SP8: variants seen among roughly 807,000 people sequenced by gnomAD.
SP8 encodes transcription factor Sp8.
A neutral mutation model predicts 15.3 loss-of-function variants in SP8; 7 were observed. The observed-to-expected ratio is 0.46, with a 90% CI of 0.26 to 0.86. The LOEUF is 0.86. Among genes scored for constraint, SP8 ranks in the 40% least tolerant of loss-of-function variants. The probability of loss-of-function intolerance (pLI) is 0.16; values close to 1 mark genes in which losing one functional copy is unlikely to be tolerated. For synonymous variants in SP8, 415 were observed against 356.3 expected (o/e 1.16, Z -1.86); for missense variants, 731 against 736.4 (o/e 0.99, Z 0.09).
In SP8 at chr7:20,784,082, C is replaced by T; in HGVS notation, c.*208G>A. 2.0e-6 allele frequency: 1 copy of T among 494,222 alleles called. No homozygotes were observed. Among genetic ancestry groups the T allele is most frequent in the Non-Finnish European group, 3.3e-6 (1 of 301,128 alleles). The allele number at this position is 494,222 out of a possible 1,614,324, so 30.6% of individuals were successfully genotyped here. ...ACCCGTGGAAAGGGAAAGCCAGGGC[C>T]CGGGACAGCGATGCGTGTTACTTAC... is the stretch of plus-strand genomic sequence containing the variant. On this transcript the variant is annotated 3_prime_UTR_variant, in exon 2 of 2. Coordinates refer to ENST00000418710, the MANE Select transcript of SP8 (RefSeq NM_182700.6).
In SP8 at chr7:20,785,207, C is replaced by G. The variant is rs1783626478; in HGVS notation, c.610G>C (p.Glu204Gln). The G allele has an allele frequency of 6.2e-7, 1 of 1,600,474 alleles. No individual in the cohort carries two copies. Among genetic ancestry groups the G allele is most frequent in the Non-Finnish European group, 8.5e-7 (1 of 1,175,142 alleles). Reference sequence around the variant, plus strand: ...GGGTGCGAGGGCTTAAACCACGACTCGTACGGGTGCGCCATGCCCACCCGC... The same window carrying G: ...GGGTGCGAGGGCTTAAACCACGACTGGTACGGGTGCGCCATGCCCACCCGC... ...YPRVGMAHPY[E>Q]SWFKPSHPGL... Residue 204 changes from glutamate (E) to glutamine (Q), a missense_variant, in exon 2 of 2, where the codon GAG becomes CAG. By Grantham distance (29) the Glu-to-Gln change is conservative. Transcript: ENST00000418710. This position sits in a 1 kb window ranked among gnomAD's most constrained non-coding sequence, Gnocchi z 7.2.
rs1001677623 is a variant in SP8 at position 20,782,712 on chromosome 7, C to G, written c.*1578G>C. 1.3e-5 allele frequency: 2 copies of G among 152,568 alleles called. No homozygotes were observed. Among genetic ancestry groups the G allele is most frequent in the South Asian group, 4.1e-4 (2 of 4,830 alleles). 9.5% of individuals were successfully genotyped at this position (152,568 alleles called of 1,614,324 possible). The stretch of plus-strand genomic sequence containing the variant: ...ATATTGTCTTAGTTACAGCTTGATA[C>G]CTATCTAAATTCATATTCGAGCAAA... On this transcript the variant is annotated 3_prime_UTR_variant, in exon 2 of 2. Transcript: ENST00000418710.
chr7:20,786,529 A>C lies in SP8; in HGVS notation c.21+249T>G, dbSNP rs746009035. Among the ~76,000 whole-genome samples, 11 of 152,170 alleles carry C rather than the reference A, an allele frequency of 7.2e-5. No individual in the cohort carries two copies. Among genetic ancestry groups the C allele is most frequent in the Admixed American group, 6.5e-5 (1 of 15,294 alleles). On this transcript the variant is annotated intron_variant, in intron 1 of 1. Coordinates refer to ENST00000418710, the MANE Select transcript of SP8 (RefSeq NM_182700.6). The surrounding 1 kb of genome is among the most constrained non-coding windows in gnomAD (Gnocchi z 4.4). ...CTGGACGCAGGTCTCCCGGGCAGGGAGCAGCGAGGCGCTGCGCGGTGGCTT... is the reference window on the plus strand; with the variant it reads ...CTGGACGCAGGTCTCCCGGGCAGGGCGCAGCGAGGCGCTGCGCGGTGGCTT...
chr7:20,786,011 C>T lies in SP8; in HGVS notation c.22-216G>A. ...ACTCTACAGGAGGGGACAAGTTTGG[C>T]TGCCGGCGTCTGATTCGGGAGCAAG... On this transcript the variant is annotated intron_variant, in intron 1 of 1. Coordinates refer to ENST00000418710, the MANE Select transcript of SP8 (RefSeq NM_182700.6). The surrounding 1 kb of genome is among the most constrained non-coding windows in gnomAD (Gnocchi z 4.4). The T allele has an allele frequency of 2.8e-6, 4 of 1,404,632 alleles. No individual in the cohort carries two copies. The highest frequency in any genetic ancestry group is 3.7e-6 in the Non-Finnish European group (4 of 1,081,666). 87.0% of individuals were successfully genotyped at this position (1,404,632 alleles called of 1,614,324 possible). A position where few individuals can be genotyped will look rare whatever the true frequency, so the allele number is the denominator to read the frequency against.
In SP8 at chr7:20,786,680, A is replaced by T; in HGVS notation, c.21+98T>A. 1.0e-6 allele frequency: 1 copy of T among 980,538 alleles called. No homozygotes were observed. The highest frequency in any genetic ancestry group is 1.7e-6 in the Non-Finnish European group (1 of 604,344). 60.7% of individuals were successfully genotyped at this position (980,538 alleles called of 1,614,324 possible). A position where few individuals can be genotyped will look rare whatever the true frequency, so the allele number is the denominator to read the frequency against. On this transcript the variant is annotated intron_variant, in intron 1 of 1. Coordinates refer to ENST00000418710, the MANE Select transcript of SP8 (RefSeq NM_182700.6). The surrounding 1 kb of genome is among the most constrained non-coding windows in gnomAD (Gnocchi z 4.4). ...AAAAAAAAAAGCTCTCAATAGAGAG[A>T]CTGATAGCCCGTGGCCTGGCCGGGG...
chr7:20,785,851 G>C lies in SP8; in HGVS notation c.22-56C>G. 6.5e-7 allele frequency: 1 copy of C among 1,529,318 alleles called. No homozygotes were observed. Among genetic ancestry groups the C allele is most frequent in the Non-Finnish European group, 8.9e-7 (1 of 1,120,010 alleles). The allele number at this position is 1,529,318 out of a possible 1,614,324, so 94.7% of individuals were successfully genotyped here. A position where few individuals can be genotyped will look rare whatever the true frequency, so the allele number is the denominator to read the frequency against. On this transcript the variant is annotated intron_variant, in intron 1 of 1. Coordinates refer to ENST00000418710, the MANE Select transcript of SP8 (RefSeq NM_182700.6). This position sits in a 1 kb window ranked among gnomAD's most constrained non-coding sequence, Gnocchi z 7.2. ...AGGGGAGGTGGGCAAAGGGCCGGTGGGGGAGGAAAGGAAGAAATGTGCATC... is the reference window on the plus strand; with the variant it reads ...AGGGGAGGTGGGCAAAGGGCCGGTGCGGGAGGAAAGGAAGAAATGTGCATC...
In SP8 at chr7:20,785,430, G is replaced by T. The variant is rs1345469992; in HGVS notation, c.387C>A (p.Ala129=). 5 of 1,310,392 alleles carry T rather than the reference G, an allele frequency of 3.8e-6. No homozygotes were observed. Among genetic ancestry groups the T allele is most frequent in the South Asian group, 4.4e-5 (2 of 45,474 alleles). The allele number at this position is 1,310,392 out of a possible 1,614,324, so 81.2% of individuals were successfully genotyped here. ...TSSSAAAAAA[A]AAAAASSSPF... is the part of the protein sequence containing the mutation. The stretch of plus-strand genomic sequence containing the variant: ...GCGAGCTGGAGGCGGCGGCTGCGGC[G>T]GCGGCGGCGGCGGCTGCGGCGCTGC... Residue 129 remains alanine, a synonymous_variant, in exon 2 of 2, where the codon GCC becomes GCA. Transcript: ENST00000418710. This position sits in a 1 kb window ranked among gnomAD's most constrained non-coding sequence, Gnocchi z 7.2.
In SP8 at chr7:20,785,672, G is replaced by A. The variant is rs1437748280; in HGVS notation, c.145C>T (p.His49Tyr). 9 of 1,613,968 alleles carry A rather than the reference G, an allele frequency of 5.6e-6. No homozygotes were observed. In the African/African-American group the frequency reaches 1.1e-4, roughly 19 times the overall value. The change falls in exon 2 of 2, where the codon CAC becomes TAC. Residue 49 changes from histidine to tyrosine, a missense_variant. This residue lies in a region of SP8 where 586 missense variants were observed against 524.9 expected (regional missense o/e 1.12). Transcript: ENST00000418710. The surrounding 1 kb of genome is among the most constrained non-coding windows in gnomAD (Gnocchi z 7.2). Reference protein sequence around the residue: ...DSSSSFGKGFHPWKRSSSSSS... With the variant: ...DSSSSFGKGFYPWKRSSSSSS... ...GAGGACGAGGAGCGTTTCCAGGGGT[G>A]GAAGCCTTTGCCGAAGGAAGAAGAG...
In SP8 at chr7:20,784,281, G is replaced by C. The variant is rs768058899; in HGVS notation, c.*9C>G. 6.4e-5 allele frequency: 93 copies of C among 1,460,166 alleles called. No homozygotes were observed. The highest frequency in any genetic ancestry group is 8.0e-5 in the Non-Finnish European group (89 of 1,112,366). 90.5% of individuals were successfully genotyped at this position (1,460,166 alleles called of 1,614,324 possible). ...GAGGTCGGGGAGAGGGGCGGGCGCAGGGTGGGCGTCACTCTAGGCCGTTGC... is the reference window on the plus strand; with the variant it reads ...GAGGTCGGGGAGAGGGGCGGGCGCACGGTGGGCGTCACTCTAGGCCGTTGC... On this transcript the variant is annotated 3_prime_UTR_variant, in exon 2 of 2. Transcript: ENST00000418710.
chr7:20,784,726 G>A lies in SP8; in HGVS notation c.1091C>T (p.Ala364Val), dbSNP rs772062700. ...GCCCTTGCGCCGCAAGCTCGCCCCG[G>A]CAGGGCCCAGCCGCTCTGCCTCCTG... ...NCQEAERLGP[A>V]GASLRRKGLH... The change falls in exon 2 of 2, where the codon GCC becomes GTC. Residue 364 changes from alanine to valine, a missense_variant. Physicochemically the swap from Ala to Val is moderately conservative, Grantham distance 64 (BLOSUM62 0). Coordinates refer to ENST00000418710, the MANE Select transcript of SP8 (RefSeq NM_182700.6). The A allele has an allele frequency of 1.3e-6, 2 of 1,594,426 alleles. No individual in the cohort carries two copies. The highest frequency in any genetic ancestry group is 1.7e-6 in the Non-Finnish European group (2 of 1,174,134).
Position 20,785,666 on chromosome 7 carries a change from A to C in SP8, c.151T>G (p.Trp51Gly), listed in dbSNP as rs779730693. Residue 51 changes from tryptophan to glycine, a missense_variant, in exon 2 of 2, where the codon TGG becomes GGG. Physicochemically the swap from Trp to Gly is radical, Grantham distance 184. Transcript: ENST00000418710. The surrounding 1 kb of genome is among the most constrained non-coding windows in gnomAD (Gnocchi z 7.2). ...GAAGAAGAGGACGAGGAGCGTTTCCAGGGGTGGAAGCCTTTGCCGAAGGAA... is the reference window on the plus strand; with the variant it reads ...GAAGAAGAGGACGAGGAGCGTTTCCCGGGGTGGAAGCCTTTGCCGAAGGAA... ...SSSFGKGFHPWKRSSSSSSAS... is the reference protein window; with the variant it reads ...SSSFGKGFHPGKRSSSSSSAS... The C allele has an allele frequency of 1.2e-6, 2 of 1,613,852 alleles. No homozygotes were observed. The highest frequency in any genetic ancestry group is 3.3e-5 in the Admixed American group (2 of 60,000).
At position 20,785,438 on chromosome 7, in the gene SP8, C is replaced by G; in HGVS notation, c.379G>C (p.Ala127Pro). The G allele has an allele frequency of 7.6e-7, 1 of 1,311,888 alleles. No homozygotes were observed. The highest frequency in any genetic ancestry group is 9.8e-7 in the Non-Finnish European group (1 of 1,023,902). The allele number at this position is 1,311,888 out of a possible 1,614,324, so 81.3% of individuals were successfully genotyped here. The change falls in exon 2 of 2, where the codon GCC (alanine) becomes CCC (proline). Residue 127 changes from alanine to proline, a missense_variant. Physicochemically the swap from Ala to Pro is conservative, Grantham distance 27 (BLOSUM62 -1). Coordinates refer to ENST00000418710, the MANE Select transcript of SP8 (RefSeq NM_182700.6). This position sits in a 1 kb window ranked among gnomAD's most constrained non-coding sequence, Gnocchi z 7.2. ...SLTSSSAAAA[A>P]AAAAAAASSS... ...GAGGCGGCGGCTGCGGCGGCGGCGG[C>G]GGCGGCTGCGGCGCTGCTGGAGGTG...
chr7:20,784,177 C>CA lies in SP8; in HGVS notation c.*112dup. On this transcript the variant is annotated 3_prime_UTR_variant, in exon 2 of 2. Coordinates refer to ENST00000418710, the MANE Select transcript of SP8 (RefSeq NM_182700.6). Reference sequence around the variant, plus strand: ...GAAGAGGGGCAGAAACAGAAAGAGACAGAGAGCGAGTCGGATGCAATAGGG... The same window carrying CA: ...GAAGAGGGGCAGAAACAGAAAGAGACAAGAGAGCGAGTCGGATGCAATAGGG... The CA allele has an allele frequency of 1.0e-6, 1 of 961,280 alleles. No homozygotes were observed. The highest frequency in any genetic ancestry group is 1.4e-6 in the Non-Finnish European group (1 of 703,664). The allele number at this position is 961,280 out of a possible 1,614,324, so 59.5% of individuals were successfully genotyped here.
chr7:20,784,866 C>T lies in SP8; in HGVS notation c.951G>A (p.Leu317=), dbSNP rs772300524. 2 of 1,526,288 alleles carry T rather than the reference C, an allele frequency of 1.3e-6. No homozygotes were observed. Among genetic ancestry groups the T allele is most frequent in the South Asian group, 2.4e-5 (2 of 83,032 alleles). The allele number at this position is 1,526,288 out of a possible 1,614,324, so 94.5% of individuals were successfully genotyped here. A position where few individuals can be genotyped will look rare whatever the true frequency, so the allele number is the denominator to read the frequency against. ...GSYPDSAPSP[L]AGAGGSMLSA... The stretch of plus-strand genomic sequence containing the variant: ...TCAACATGGAGCCCCCCGCGCCGGC[C>T]AGCGGCGACGGGGCCGAGTCCGGGT... The change falls in exon 2 of 2, where the codon CTG becomes CTA. Residue 317 remains leucine (L), a synonymous_variant. Coordinates refer to ENST00000418710, the MANE Select transcript of SP8 (RefSeq NM_182700.6).
Position 20,784,135 on chromosome 7 carries a change from G to C in SP8, c.*155C>G. On this transcript the variant is annotated 3_prime_UTR_variant, in exon 2 of 2. Transcript: ENST00000418710. ...GTCCATATCCCCTTTACAAAGTTAA[G>C]TCACAGAAGGAAGAAGGAAGAGGGG... 1.5e-6 allele frequency: 1 copy of C among 679,538 alleles called. No individual in the cohort carries two copies. The highest frequency in any genetic ancestry group is 2.2e-6 in the Non-Finnish European group (1 of 453,812). The allele number at this position is 679,538 out of a possible 1,614,324, so 42.1% of individuals were successfully genotyped here.
rs1389181991 is a variant in SP8 at position 20,785,339 on chromosome 7, C to T, written c.478G>A (p.Gly160Arg). The change falls in exon 2 of 2, where the codon GGG (glycine) becomes AGG (arginine). Residue 160 changes from glycine to arginine, a missense_variant. This residue lies in a region of SP8 where 586 missense variants were observed against 524.9 expected (regional missense o/e 1.12). Transcript: ENST00000418710. This position sits in a 1 kb window ranked among gnomAD's most constrained non-coding sequence, Gnocchi z 7.2. ...GCGGAGGAGCCGCCGCCGCCGCCCC[C>T]GCCGCCGCCGCCGCTGCCCCCGGAA... ...GVSGGSGGGG[G>R]GGGGGSSAHS... The T allele has an allele frequency of 9.6e-6, 12 of 1,243,870 alleles. No homozygotes were observed. Among genetic ancestry groups the T allele is most frequent in the Non-Finnish European group, 1.2e-5 (11 of 944,794 alleles). The allele number at this position is 1,243,870 out of a possible 1,614,324, so 77.1% of individuals were successfully genotyped here.
Position 20,784,436 on chromosome 7 carries a change from C to CGCCGCCGCCACT in SP8, c.1369_1380dup (p.Ser457_Gly460dup). 1.3e-6 allele frequency: 2 copies of CGCCGCCGCCACT among 1,536,182 alleles called. No individual in the cohort carries two copies. Among genetic ancestry groups the CGCCGCCGCCACT allele is most frequent in the Non-Finnish European group, 1.7e-6 (2 of 1,143,824 alleles). ...CCCGAGCCCGCCGAGCCGCCGCCGC[C>CGCCGCCGCCACT]GCCGCCGCCACTGTGCGTCTTCACG... On this transcript the variant is annotated inframe_insertion, in exon 2 of 2. Transcript: ENST00000418710.
At position 20,785,433 on chromosome 7, in the gene SP8, GGCGGCGGCGGCT is replaced by G; in HGVS notation, c.372_383del (p.Ala131_Ala134del). 3 of 1,312,266 alleles carry G rather than the reference GGCGGCGGCGGCT, an allele frequency of 2.3e-6. No individual in the cohort carries two copies. Among genetic ancestry groups the G allele is most frequent in the African/African-American group, 1.5e-5 (1 of 65,324 alleles). The allele number at this position is 1,312,266 out of a possible 1,614,324, so 81.3% of individuals were successfully genotyped here. ...AGCTGGAGGCGGCGGCTGCGGCGGC[GGCGGCGGCGGCT>G]GCGGCGCTGCTGGAGGTGAGGGAGA... On this transcript the variant is annotated inframe_deletion, in exon 2 of 2. Transcript: ENST00000418710. This position sits in a 1 kb window ranked among gnomAD's most constrained non-coding sequence, Gnocchi z 7.2.
At position 20,785,223 on chromosome 7, in the gene SP8, G is replaced by C; in HGVS notation, c.594C>G (p.Gly198=). 1 of 1,599,096 alleles carries C rather than the reference G, an allele frequency of 6.3e-7. No homozygotes were observed. The highest frequency in any genetic ancestry group is 8.5e-7 in the Non-Finnish European group (1 of 1,174,516). The change falls in exon 2 of 2, where the codon GGC becomes GGG. Residue 198 remains glycine (G), a synonymous_variant. Transcript: ENST00000418710. This position sits in a 1 kb window ranked among gnomAD's most constrained non-coding sequence, Gnocchi z 7.2. ...ACCACGACTCGTACGGGTGCGCCAT[G>C]CCCACCCGCGGGTAGATGCCCTGCA... The part of the protein sequence containing the change: ...DGLQGIYPRV[G]MAHPYESWFK...
Sources: allele counts gnomAD v4.1 joint callset (sites outside exome capture counted in the v4.1 genomes callset), GRCh38; gene constraint gnomAD v4.1.1; regional missense constraint gnomAD v4.1.1; non-coding constraint Gnocchi (gnomAD v3.1); transcripts MANE v1.5; gene names NCBI Gene and HGNC (gene_info 2026-07-23, HGNC 2026-07-21).